EFEMP2: variants seen among roughly 807,000 people sequenced by gnomAD.
EFEMP2 encodes EGF-containing fibulin-like extracellular matrix protein 2.
Under a neutral mutation model 55.3 loss-of-function variants are expected in EFEMP2, and 21 were observed. That is an observed-to-expected ratio of 0.38 (90% confidence interval 0.27 to 0.55). The LOEUF is 0.55. EFEMP2 is among the 20% of genes least tolerant of loss of function. The probability of loss-of-function intolerance (pLI) is 0.77; values close to 1 mark genes in which losing one functional copy is unlikely to be tolerated. For synonymous variants in EFEMP2, 275 were observed against 242.3 expected (o/e 1.14, Z -1.25); for missense variants, 513 against 615.1 (o/e 0.83, Z 1.76).
At chr11:65,872,155 G>T in intron 2 of EFEMP2, 89 bp downstream of exon 2, 3 of 1,496,984 alleles carry the variant, frequency 2.0e-6, no homozygotes, top group South Asian at 2.4e-5. Context: ...GCCAGGGGAG[G>T]AAGACTTCCC....
intron 10 of EFEMP2, 140 bp from the exon 11 acceptor site, chr11:65,867,219 G>T: frequency 1.1e-6 from 1 of 940,274 alleles, no homozygotes; most frequent in Non-Finnish European, 1.6e-6. Flanking sequence ...CTCTCATGCA[G>T]CTCTTTGACA....
chr11:65,869,985 G>A lies in EFEMP2; in HGVS notation c.608-9C>T. ...GTCACACTCGTTCACATCTGGGGGT[G>A]CCAGGAAAAACAGGAGGGATGAAAG... On this transcript the variant is annotated splice_polypyrimidine_tract_variant and intron_variant, in intron 6 of 10. Coordinates refer to ENST00000307998, the MANE Select transcript of EFEMP2 (RefSeq NM_016938.5). 6.2e-7 allele frequency: 1 copy of A among 1,613,740 alleles called. No homozygotes were observed. Among genetic ancestry groups the A allele is most frequent in the African/African-American group, 1.3e-5 (1 of 75,040 alleles).
At chr11:65,868,959 GTC>G (rs1859915296) in intron 7 of EFEMP2, 1 of 374,662 alleles carries the variant, frequency 2.7e-6, no homozygotes, top group Admixed American at 3.8e-5. Context: ...GACTAGATGA[GTC>G]TTATGGGTCT....
chr11:65,870,757 G>T (rs1344217686), intron 4 of EFEMP2, 99 bp from the exon 5 acceptor site: 1 of 1,574,438 alleles, frequency 6.4e-7, no homozygotes, highest in South Asian at 1.1e-5. Flanking sequence ...AACAGCACGC[G>T]TAAGAGTTCA....
chr11:65,872,407 T>A (rs1469886292), intron 1 of EFEMP2, 46 bp from the exon 2 acceptor site: 1 of 1,359,254 alleles, frequency 7.4e-7, no homozygotes, highest in Admixed American at 2.0e-5. Flanking sequence ...CCGCGGCACC[T>A]CAACTCCCTG....
At chr11:65,869,716 G>A (rs907405168) in intron 7 of EFEMP2, 141 bp downstream of exon 7, 214 of 1,309,888 alleles carry the variant, frequency 1.6e-4, no homozygotes, top group Non-Finnish European at 2.0e-4. Flanking sequence ...ACAGCCAGCC[G>A]GGGTCGAGTA....
intron 7 of EFEMP2, 114 bp downstream of exon 7, chr11:65,869,743 G>T: frequency 6.6e-7 from 1 of 1,526,364 alleles, no homozygotes; most frequent in Non-Finnish European, 9.0e-7. Flanking sequence ...AGGCAGCTGG[G>T]TGCACAGTGA....
chr11:65,870,539 C>A lies in EFEMP2; in HGVS notation c.487G>T (p.Val163Leu). ...AGAAGCTGCTTCCTGGACTCACCCA[C>A]ACACTCGGGCCCGATCTTGCGGTAA... ...DGYRKIGPEC[V>L]DIDECRYRYC... is the part of the protein sequence containing the mutation. The change falls in exon 5 of 11, where the codon GTG becomes TTG. Residue 163 changes from valine (V) to leucine (L), a missense_variant. By Grantham distance (32) the Val-to-Leu change is conservative (BLOSUM62 1). Transcript: ENST00000307998. 1.9e-6 allele frequency: 3 copies of A among 1,614,004 alleles called. No individual in the cohort carries two copies. The highest frequency in any genetic ancestry group is 2.5e-6 in the Non-Finnish European group (3 of 1,179,958).
chr11:65,867,657 C>T (rs1437635984), intron 10 of EFEMP2: 1 of 638,454 alleles, frequency 1.6e-6, no homozygotes, highest in East Asian at 2.8e-5. Context: ...ACTCAAACTC[C>T]CGTGTCCGAG....
chr11:65,869,499 C>G (rs1859925803), intron 7 of EFEMP2: 1 of 357,918 alleles, frequency 2.8e-6, no homozygotes, highest in Non-Finnish European at 5.5e-6. Flanking sequence ...ACACTCTCAC[C>G]TAATCCTCAA....
At chr11:65,869,653 T>G in intron 7 of EFEMP2, 1 of 705,848 alleles carries the variant, frequency 1.4e-6, no homozygotes. Context: ...TAGGCTTCAG[T>G]AAGGACGTAG....
rs2134752510 is a variant in EFEMP2, at chr11:65,871,472, C to T, written c.161-109G>A. On this transcript the variant is annotated intron_variant, in intron 3 of 10. Transcript: ENST00000307998. ...TCTGAGATGTGTGGCCCCAGCAAAGCCTTCCCACTCTGCTCAACAAGCTAA... is the reference window on the plus strand; with the variant it reads ...TCTGAGATGTGTGGCCCCAGCAAAGTCTTCCCACTCTGCTCAACAAGCTAA... 3.8e-6 allele frequency: 4 copies of T among 1,055,140 alleles called. No individual in the cohort carries two copies. The Admixed American group carries it at 7.2e-5, about 19-fold the overall frequency. 65.4% of individuals were successfully genotyped at this position (1,055,140 alleles called of 1,614,324 possible). A position where few individuals can be genotyped will look rare whatever the true frequency, so the allele number is the denominator to read the frequency against.
intron 7 of EFEMP2, 88 bp downstream of exon 7, chr11:65,869,769 T>G: frequency 1.3e-6 from 2 of 1,592,600 alleles, no homozygotes; most frequent in Non-Finnish European, 1.7e-6. Flanking sequence ...GGCGGAGGCC[T>G]CAAATGGAGA....
rs1859987394 is a variant in EFEMP2 at position 65,872,685 on chromosome 11, G to A, written c.-10C>T. 5 of 345,178 alleles carry A rather than the reference G, an allele frequency of 1.4e-5. No homozygotes were observed. Among genetic ancestry groups the A allele is most frequent in the Admixed American group, 3.7e-5 (1 of 27,004 alleles). The allele number at this position is 345,178 out of a possible 1,614,324, so 21.4% of individuals were successfully genotyped here. A position where few individuals can be genotyped will look rare whatever the true frequency, so the allele number is the denominator to read the frequency against. ...CACGGACGGTCACAGCCACTCACTT[G>A]GGCCCGCGACACCCCCGCGGCCCGC... On this transcript the variant is annotated splice_region_variant and 5_prime_UTR_variant, in exon 1 of 11. Transcript: ENST00000307998.
chr11:65,867,704 A>T (rs1015051788), intron 10 of EFEMP2, 157 bp downstream of exon 10: 1 of 774,410 alleles, frequency 1.3e-6, no homozygotes, highest in African/African-American at 1.7e-5. Flanking sequence ...TTAGAATTGC[A>T]TTTAGAGTAC....
At position 65,866,749 on chromosome 11, in the gene EFEMP2, C is replaced by T; in HGVS notation, c.*169G>A. ...GAGACCCCCATTTAGGTGAACTTGG[C>T]CTGCCCCCCCAAGTGCCACCCTGCC... is the stretch of plus-strand genomic sequence containing the variant. On this transcript the variant is annotated 3_prime_UTR_variant, in exon 11 of 11. Coordinates refer to ENST00000307998, the MANE Select transcript of EFEMP2 (RefSeq NM_016938.5). 1.1e-6 allele frequency: 1 copy of T among 874,096 alleles called. No homozygotes were observed. Among genetic ancestry groups the T allele is most frequent in the Non-Finnish European group, 1.9e-6 (1 of 538,904 alleles). 54.1% of individuals were successfully genotyped at this position (874,096 alleles called of 1,614,324 possible).
In EFEMP2 at chr11:65,867,912, G is replaced by A. The variant is rs201792013; in HGVS notation, c.1119C>T (p.Tyr373=). The part of the protein sequence containing the change: ...IQATSVYPGA[Y]NAFQIRAGNS... Reference sequence around the variant, plus strand: ...TTCCAGCACGGATCTGAAAGGCATTGTAGGCACCGGGGTAGACGGAGGTCG... The same window carrying A: ...TTCCAGCACGGATCTGAAAGGCATTATAGGCACCGGGGTAGACGGAGGTCG... The change falls in exon 10 of 11, where the codon TAC becomes TAT. Residue 373 remains tyrosine, a synonymous_variant. Coordinates refer to ENST00000307998, the MANE Select transcript of EFEMP2 (RefSeq NM_016938.5). The A allele has an allele frequency of 3.7e-6, 6 of 1,614,150 alleles. No individual in the cohort carries two copies. In the Admixed American group the frequency reaches 6.7e-5, roughly 18 times the overall value.
chr11:65,872,104 C>T, intron 2 of EFEMP2, 86 bp from the exon 3 acceptor site: 1 of 1,529,600 alleles, frequency 6.5e-7, no homozygotes, highest in African/African-American at 1.4e-5. Flanking sequence ...GCCTGGCCAC[C>T]CTCCGGCCTG....
In EFEMP2 at chr11:65,869,915, G is replaced by A. The variant is rs1859934204; in HGVS notation, c.669C>T (p.Thr223=). The A allele has an allele frequency of 6.2e-7, 1 of 1,614,084 alleles. No homozygotes were observed. Among genetic ancestry groups the A allele is most frequent in the Non-Finnish European group, 8.5e-7 (1 of 1,180,032 alleles). ...AGCCCTGGTGGCAGCGACACAGGAA[G>A]GTCCCATAGGAGTTGAAGCAGCGCT... is the stretch of plus-strand genomic sequence containing the variant. ...CEQRCFNSYG[T]FLCRCHQGYE... The change falls in exon 7 of 11, where the codon ACC becomes ACT. Residue 223 remains threonine, a synonymous_variant. Transcript: ENST00000307998.
Sources: gnomAD v4.1 joint callset for allele counts on GRCh38, gnomAD v4.1.1 for gene constraint, MANE v1.5 for transcripts, NCBI Gene and HGNC (gene_info 2026-07-23, HGNC 2026-07-21) for gene names.